Variants in NKAIN2 observed in about 807,000 individuals in gnomAD.
NKAIN2 encodes sodium/potassium-transporting ATPase subunit beta-1-interacting protein 2.
In NKAIN2, 14 loss-of-function variants were observed where a neutral mutation model predicts 32.6. That is an observed-to-expected ratio of 0.43 (90% CI 0.28 to 0.67). NKAIN2 has a LOEUF of 0.67. NKAIN2 is among the 30% of genes least tolerant of loss of function. NKAIN2 has a pLI of 0.17. For synonymous variants in NKAIN2, 80 were observed against 87.2 expected, an observed-to-expected ratio of 0.92 and a Z score of 0.46; for missense variants, 198 against 258.3, an observed-to-expected ratio of 0.77 and a Z score of 1.60.
At chr6:124,336,698 G>A (rs968525014) in intron 2 of NKAIN2, among the ~76,000 whole-genome samples, 3 of 135,486 alleles carry the variant, frequency 2.2e-5, no homozygotes, top group East Asian at 2.2e-4. Context: ...TTTTTGAGAC[G>A]GAGTCTTGCT....
At chr6:124,152,650 C>T (rs1216554195) in intron 1 of NKAIN2, among the ~76,000 whole-genome samples, 4 of 151,918 alleles carry the variant, frequency 2.6e-5, no homozygotes, top group African/African-American at 9.7e-5. Context: ...ATCCACCAAT[C>T]CAACTGCTAG....
chr6:124,069,264 T>C (rs1294743263), intron 1 of NKAIN2, among the ~76,000 whole-genome samples: 4 of 152,148 alleles, frequency 2.6e-5, no homozygotes, highest in African/African-American at 7.2e-5. Context: ...GTCAACTCAA[T>C]TCTATGGAGC....
chr6:124,211,379 T>C (rs888088277), intron 1 of NKAIN2, among the ~76,000 whole-genome samples: 4 of 151,970 alleles, frequency 2.6e-5, no homozygotes, highest in African/African-American at 9.6e-5. Context: ...GTCATTAAAC[T>C]ATCTCCTACC....
At chr6:124,808,433 A>G (rs1780705148) in intron 5 of NKAIN2, among the ~76,000 whole-genome samples, 1 of 152,164 alleles carries the variant, frequency 6.6e-6, no homozygotes, top group Non-Finnish European at 1.5e-5. Context: ...AAATTCAACA[A>G]CGCTTCATGC....
intron 1 of NKAIN2, among the ~76,000 whole-genome samples, chr6:124,256,116 A>G (rs1793918942): frequency 6.6e-6 from 1 of 152,200 alleles, no homozygotes; most frequent in Admixed American, 6.5e-5. Context: ...GTCAGTTGGC[A>G]AAAAGGAAGC....
intron 3 of NKAIN2, among the ~76,000 whole-genome samples, chr6:124,615,828 CTT>C (rs1782866199): frequency 6.6e-6 from 1 of 152,084 alleles, no homozygotes; most frequent in African/African-American, 2.4e-5. Flanking sequence ...GCATTAGTCT[CTT>C]TTCATGTTCA....
intron 1 of NKAIN2, among the ~76,000 whole-genome samples, chr6:123,817,627 T>C (rs1439305185): frequency 6.6e-6 from 1 of 152,104 alleles, no homozygotes; most frequent in Non-Finnish European, 1.5e-5. Context: ...CAGCGCCCCT[T>C]CCTCCATCCC....
intron 1 of NKAIN2, among the ~76,000 whole-genome samples, chr6:124,058,141 T>C (rs924085293): frequency 4.0e-5 from 6 of 151,464 alleles, no homozygotes; most frequent in African/African-American, 1.5e-4. Flanking sequence ...GAAGAAAACT[T>C]CTAGAAATGT....
chr6:123,820,399 G>T (rs1264930189), intron 1 of NKAIN2, among the ~76,000 whole-genome samples: 3 of 152,200 alleles, frequency 2.0e-5, no homozygotes, highest in Non-Finnish European at 4.4e-5. Context: ...AAGGACAGAA[G>T]ATAACTTTTA....
intron 3 of NKAIN2, among the ~76,000 whole-genome samples, chr6:124,536,950 T>C (rs1779738702): frequency 6.6e-6 from 1 of 152,204 alleles, no homozygotes. Context: ...TTCAGCTTTA[T>C]GGGAAAAAGT....
intron 3 of NKAIN2, among the ~76,000 whole-genome samples, chr6:124,565,575 CT>C (rs1255361332): frequency 1.3e-5 from 2 of 152,176 alleles, no homozygotes; most frequent in Non-Finnish European, 2.9e-5. Context: ...CACTTTCCCC[CT>C]GATTCCGTGC....
rs1582620551 is a variant in NKAIN2 at position 123,835,714 on chromosome 6, A to G, written c.54+31460A>G. Among the ~76,000 whole-genome samples the G allele has an allele frequency of 3.3e-5, 5 of 152,294 alleles. No individual in the cohort carries two copies. The South Asian group carries it at 8.3e-4, about 25-fold the overall frequency. The stretch of plus-strand genomic sequence containing the variant: ...GTATGCACCTCTTCTCTTCAAAACA[A>G]TTGTGTTGTCTTGGGCTGCTACTGC... On this transcript the variant is annotated intron_variant, in intron 1 of 6. Transcript: ENST00000368417.
At chr6:123,891,758 C>T (rs550572678) in intron 1 of NKAIN2, among the ~76,000 whole-genome samples, 5 of 152,256 alleles carry the variant, frequency 3.3e-5, no homozygotes, top group South Asian at 4.1e-4. Context: ...CAGATTTTCT[C>T]GTCAACAAAC....
intron 1 of NKAIN2, among the ~76,000 whole-genome samples, chr6:124,077,465 C>A (rs111695361): frequency 6.6e-4 from 101 of 152,252 alleles, no homozygotes; most frequent in African/African-American, 2.4e-3. Context: ...GGTAAGGTTT[C>A]ATGCACAGTC....
chr6:124,484,365 G>T (rs757558315), intron 3 of NKAIN2, among the ~76,000 whole-genome samples: 1 of 151,972 alleles, frequency 6.6e-6, no homozygotes, highest in African/African-American at 2.4e-5. Context: ...TTGTTTCTAC[G>T]CCAAGTTCAT....
chr6:123,848,170 A>G (rs1236120436), intron 1 of NKAIN2, among the ~76,000 whole-genome samples: 1 of 152,220 alleles, frequency 6.6e-6, no homozygotes, highest in African/African-American at 2.4e-5. Flanking sequence ...TGAAAGACAA[A>G]AGATGCTTTA....
At chr6:124,158,787 T>C (rs1391696427) in intron 1 of NKAIN2, among the ~76,000 whole-genome samples, 1 of 152,202 alleles carries the variant, frequency 6.6e-6, no homozygotes, top group Non-Finnish European at 1.5e-5. Context: ...CCTTTTCTAT[T>C]TGCCAAGTTG....
chr6:123,818,446 A>G (rs1054709353), intron 1 of NKAIN2, among the ~76,000 whole-genome samples: 4 of 151,888 alleles, frequency 2.6e-5, no homozygotes, highest in Non-Finnish European at 2.9e-5. Context: ...ATATTAAGCT[A>G]TTAACATTTT....
At chr6:124,060,993 A>G (rs1049852061) in intron 1 of NKAIN2, among the ~76,000 whole-genome samples, 1 of 152,176 alleles carries the variant, frequency 6.6e-6, no homozygotes, top group African/African-American at 2.4e-5. Context: ...TTTTAAGTAC[A>G]TGCAGTTTAG....
Sources: allele counts gnomAD v4.1 joint callset (sites outside exome capture counted in the v4.1 genomes callset), GRCh38; gene constraint gnomAD v4.1.1; transcripts MANE v1.5; gene names NCBI Gene and HGNC (gene_info 2026-07-23, HGNC 2026-07-21).